The following SOX5 variants were observed in gnomAD, a reference collection of about 807,000 sequenced individuals.
The protein encoded by SOX5 is SRY-box transcription factor 5.
In SOX5, 9 loss-of-function variants were observed where a neutral mutation model predicts 92.0. The observed-to-expected ratio is 0.10, with a 90% CI of 0.06 to 0.17. The LOEUF is 0.17. Among genes scored for constraint, SOX5 ranks in the 10% least tolerant of loss-of-function variants. The probability of loss-of-function intolerance (pLI) is 1.00; values close to 1 mark genes in which losing one functional copy is unlikely to be tolerated. For synonymous variants in SOX5, 344 were observed against 336.3 expected (o/e 1.02, Z -0.25); for missense variants, 642 against 944.5 (o/e 0.68, Z 4.20).
chr12:24,145,982 T>C (rs1951040688), intron 4 of SOX5, among the ~76,000 whole-genome samples: 1 of 152,194 alleles, frequency 6.6e-6, no homozygotes, highest in African/African-American at 2.4e-5. Flanking sequence ...AGGTGCAAAA[T>C]ACATGAAGCA....
intron 3 of SOX5, among the ~76,000 whole-genome samples, chr12:23,758,008 C>CAAAAAAAAAAAA (rs34841595): frequency 5.9e-5 from 4 of 68,244 alleles, no homozygotes; most frequent in African/African-American, 1.4e-4. Flanking sequence ...GCACACACTA[C>CAAAAAAAAAAAA]AAAAAAAAAA....
At chr12:24,526,772 T>G (rs1950748585) in intron 1 of SOX5, among the ~76,000 whole-genome samples, 1 of 152,122 alleles carries the variant, frequency 6.6e-6, no homozygotes. Flanking sequence ...GGAACTACTG[T>G]CCGCCACATT....
intron 1 of SOX5, among the ~76,000 whole-genome samples, chr12:24,414,421 A>AG (rs1167020367): frequency 6.6e-6 from 1 of 152,220 alleles, no homozygotes; most frequent in Non-Finnish European, 1.5e-5. Flanking sequence ...TTTATATTCC[A>AG]GGGAAAAAGT....
intron 6 of SOX5, among the ~76,000 whole-genome samples, chr12:23,719,837 T>C (rs1278096556): frequency 6.7e-6 from 1 of 149,420 alleles, no homozygotes; most frequent in East Asian, 2.0e-4. Flanking sequence ...TTCTGCATTA[T>C]GTTCATTTCT....
At chr12:23,783,211 T>C (rs1289643432) in intron 3 of SOX5, among the ~76,000 whole-genome samples, 1 of 152,218 alleles carries the variant, frequency 6.6e-6, no homozygotes, top group Non-Finnish European at 1.5e-5. Context: ...TTGTCTATCT[T>C]GCTATTCAAT....
intron 1 of SOX5, 52 bp downstream of exon 1, chr12:23,949,512 T>TA: frequency 1.9e-6 from 3 of 1,607,114 alleles, no homozygotes; most frequent in Non-Finnish European, 2.6e-6. Flanking sequence ...GAGACTACTG[T>TA]AAAATGGGAG....
intron 3 of SOX5, among the ~76,000 whole-genome samples, chr12:23,836,528 T>C (rs1287509087): frequency 6.6e-6 from 1 of 152,054 alleles, no homozygotes; most frequent in Non-Finnish European, 1.5e-5. Context: ...TCAACCCATA[T>C]GCAAATCTAA....
intron 1 of SOX5, among the ~76,000 whole-genome samples, chr12:24,544,241 C>T (rs906144697): frequency 1.3e-5 from 2 of 152,074 alleles, no homozygotes; most frequent in Non-Finnish European, 2.9e-5. Flanking sequence ...CTTATAAACT[C>T]GTCTGAGTTT....
chr12:23,980,968 T>A (rs1949518781), intron 4 of SOX5, among the ~76,000 whole-genome samples: 1 of 152,188 alleles, frequency 6.6e-6, no homozygotes, highest in African/African-American at 2.4e-5. Flanking sequence ...GCTCCTCACA[T>A]CTTCTTGTGT....
At chr12:24,406,428 T>C (rs1050995848) in intron 1 of SOX5, among the ~76,000 whole-genome samples, 1 of 152,170 alleles carries the variant, frequency 6.6e-6, no homozygotes, top group African/African-American at 2.4e-5. Context: ...GCCAGCTTAA[T>C]ATAACATTCG....
chr12:23,577,063 C>T (rs1949234459), intron 9 of SOX5, among the ~76,000 whole-genome samples: 1 of 149,202 alleles, frequency 6.7e-6, no homozygotes, highest in South Asian at 2.1e-4. Flanking sequence ...AATGCACAGT[C>T]CTACCAAAAG....
At chr12:23,763,733 T>TGAA (rs2094629108) in intron 3 of SOX5, among the ~76,000 whole-genome samples, 1 of 152,080 alleles carries the variant, frequency 6.6e-6, no homozygotes, top group African/African-American at 2.4e-5. Context: ...CTAAAGCTTT[T>TGAA]AAGCCAGTGC....
intron 6 of SOX5, among the ~76,000 whole-genome samples, chr12:23,676,665 T>A (rs2085751908): frequency 6.6e-6 from 1 of 152,204 alleles, no homozygotes; most frequent in Admixed American, 6.5e-5. Flanking sequence ...TTTGAAGACA[T>A]GGAGGAAGTC....
At chr12:23,994,864 C>A (rs532359663) in intron 4 of SOX5, among the ~76,000 whole-genome samples, 1 of 152,164 alleles carries the variant, frequency 6.6e-6, no homozygotes, top group Non-Finnish European at 1.5e-5. Flanking sequence ...AGAAATCAAG[C>A]TGTTACTGTA....
At chr12:23,594,254 G>A (rs984488542) in intron 9 of SOX5, among the ~76,000 whole-genome samples, 23 of 150,772 alleles carry the variant, frequency 1.5e-4, no homozygotes, top group African/African-American at 4.6e-4. Context: ...CTCCTGGTCC[G>A]TACTTGCTGC....
chr12:23,876,943 A>G (rs1381925387), intron 2 of SOX5, among the ~76,000 whole-genome samples: 1 of 152,100 alleles, frequency 6.6e-6, no homozygotes, highest in East Asian at 1.9e-4. Context: ...GAATTGAACA[A>G]TGAGAACACA....
chr12:24,351,291 C>T (rs1339513998), intron 2 of SOX5, among the ~76,000 whole-genome samples: 3 of 152,068 alleles, frequency 2.0e-5, no homozygotes, highest in Non-Finnish European at 4.4e-5. Flanking sequence ...TCATCTGTAC[C>T]CCCATCTCTG....
At chr12:23,794,657 C>A (rs955724339) in intron 3 of SOX5, among the ~76,000 whole-genome samples, 2 of 152,002 alleles carry the variant, frequency 1.3e-5, no homozygotes, top group African/African-American at 4.8e-5. Flanking sequence ...GTAAGAAGAA[C>A]GTTTAAAAAC....
chr12:23,802,554 C>G (rs980555460), intron 3 of SOX5, among the ~76,000 whole-genome samples: 3 of 152,028 alleles, frequency 2.0e-5, no homozygotes, highest in African/African-American at 7.3e-5. Context: ...TTTCTAAACA[C>G]AGCTTGCTTA....
Sources: gnomAD v4.1 joint callset for allele counts (sites outside exome capture counted in the v4.1 genomes callset) on GRCh38, gnomAD v4.1.1 for gene constraint, MANE v1.5 for transcripts, NCBI Gene and HGNC (gene_info 2026-07-23, HGNC 2026-07-21) for gene names.